Variants in PDS5A observed in about 807,000 individuals in gnomAD.
PDS5A encodes sister chromatid cohesion protein PDS5 homolog A.
Under a neutral mutation model 167.1 loss-of-function variants are expected in PDS5A, and 42 were observed. That is an observed-to-expected ratio of 0.25 (90% CI 0.20 to 0.33). The LOEUF is 0.33. PDS5A is among the 10% of genes least tolerant of loss of function. The pLI is 1.00. For synonymous variants in PDS5A, 553 were observed against 554.6 expected (o/e 1.00, Z 0.04); for missense variants, 1,033 against 1,605.9 (o/e 0.64, Z 6.10).
chr4:39,849,091 G>C, intron 27 of PDS5A, 121 bp from the exon 28 acceptor site: 1 of 719,540 alleles, frequency 1.4e-6, no homozygotes, highest in Middle Eastern at 2.7e-4. Flanking sequence ...TTTATTCCTT[G>C]AACATTCCAT....
Position 39,825,443 on chromosome 4 carries a change from G to C in PDS5A, c.*42C>G. 4 of 1,555,930 alleles carry C rather than the reference G, an allele frequency of 2.6e-6. No individual in the cohort carries two copies. In the East Asian group the frequency reaches 9.1e-5, roughly 35 times the overall value. ...CAAGTTTTTGCAGAAGCTGGAGCCT[G>C]CTTCTGTTTGGCCTTCATTTTCTCC... On this transcript the variant is annotated 3_prime_UTR_variant, in exon 33 of 33. Transcript: ENST00000303538.
At chr4:39,900,774 T>G (rs1280200730) in intron 13 of PDS5A, among the ~76,000 whole-genome samples, 2 of 152,162 alleles carry the variant, frequency 1.3e-5, no homozygotes, top group Non-Finnish European at 2.9e-5. Context: ...TACAGGTAGC[T>G]AGAAAGTTTT....
chr4:39,957,726 G>A (rs1200617833), intron 2 of PDS5A, among the ~76,000 whole-genome samples: 1 of 146,826 alleles, frequency 6.8e-6, no homozygotes, highest in Non-Finnish European at 1.5e-5. Flanking sequence ...GGCAGAGCTT[G>A]CAGTGAGCTG....
At chr4:39,958,049 C>A (rs1729128278) in intron 2 of PDS5A, among the ~76,000 whole-genome samples, 1 of 152,002 alleles carries the variant, frequency 6.6e-6, no homozygotes, top group African/African-American at 2.4e-5. Context: ...CACCACCACA[C>A]CTAGCTAATT....
chr4:39,825,684 T>C lies in PDS5A; in HGVS notation c.4011-196A>G, dbSNP rs545685407. ...GGCTCACTCAGCCCCAACTCCTGGG[T>C]TCAAGTGGTCCTCCAGGCTCAGCGT... On this transcript the variant is annotated intron_variant, in intron 32 of 32. Transcript: ENST00000303538. Among the ~76,000 whole-genome samples the C allele has an allele frequency of 8.9e-4, 135 of 151,790 alleles. 1 individual carries two copies. In the South Asian group the frequency reaches 0.027, roughly 30 times the overall value.
rs771857090 is a variant in PDS5A, at chr4:39,823,257, A to G, written c.*2228T>C. 6 of 152,318 alleles carry G rather than the reference A, an allele frequency of 3.9e-5. No individual in the cohort carries two copies. Among genetic ancestry groups the G allele is most frequent in the Non-Finnish European group, 1.5e-5 (1 of 68,018 alleles). The allele number at this position is 152,318 out of a possible 1,614,324, so 9.4% of individuals were successfully genotyped here. A position where few individuals can be genotyped will look rare whatever the true frequency, so the allele number is the denominator to read the frequency against. ...AATTCCCGTAAACAAGTCCCTCCCC[A>G]TCAGCTTGGTCTTTCCACAACCCTA... On this transcript the variant is annotated 3_prime_UTR_variant, in exon 33 of 33. Transcript: ENST00000303538.
chr4:39,959,384 C>T (rs559053708), intron 2 of PDS5A, among the ~76,000 whole-genome samples: 1 of 152,222 alleles, frequency 6.6e-6, no homozygotes, highest in East Asian at 1.9e-4. Context: ...ATAGGTATCT[C>T]ACTGTCGTCT....
chr4:39,927,879 A>C (rs758381103), intron 3 of PDS5A, 82 bp downstream of exon 3: 3 of 963,806 alleles, frequency 3.1e-6, no homozygotes, highest in African/African-American at 1.7e-5. Flanking sequence ...TATGTTCATA[A>C]AGGTAAAATA....
chr4:39,975,935 G>A (rs1731041157), intron 2 of PDS5A, among the ~76,000 whole-genome samples: 1 of 152,144 alleles, frequency 6.6e-6, no homozygotes, highest in African/African-American at 2.4e-5. Context: ...TCCTTTGAAC[G>A]TATAGACTTA....
At chr4:39,826,946 TAC>T (rs1416542134) in intron 32 of PDS5A, among the ~76,000 whole-genome samples, 2 of 152,192 alleles carry the variant, frequency 1.3e-5, no homozygotes, top group African/African-American at 4.8e-5. Context: ...TTACAATTCA[TAC>T]AGAGACTATT....
intron 11 of PDS5A, among the ~76,000 whole-genome samples, chr4:39,906,746 A>G (rs1240944131): frequency 6.6e-6 from 1 of 150,418 alleles, no homozygotes; most frequent in Non-Finnish European, 1.5e-5. Flanking sequence ...GTAACACACC[A>G]CCTCTAAAAA....
At chr4:39,886,697 G>C (rs758150479) in intron 17 of PDS5A, among the ~76,000 whole-genome samples, 1 of 150,970 alleles carries the variant, frequency 6.6e-6, no homozygotes, top group Admixed American at 6.6e-5. Flanking sequence ...TGGGCAACAA[G>C]AGTGAAACAC....
chr4:39,950,624 G>A (rs1182032997), intron 2 of PDS5A, among the ~76,000 whole-genome samples: 2 of 151,990 alleles, frequency 1.3e-5, no homozygotes, highest in African/African-American at 4.8e-5. Flanking sequence ...TTGCTCTGTC[G>A]CCCAGACTGG....
chr4:39,960,048 G>A (rs1404276158), intron 2 of PDS5A, among the ~76,000 whole-genome samples: 3 of 152,056 alleles, frequency 2.0e-5, no homozygotes, highest in East Asian at 1.9e-4. Context: ...AGCTGAGATC[G>A]CGCCACTGCA....
intron 3 of PDS5A, 91 bp downstream of exon 3, chr4:39,927,870 A>T: frequency 1.2e-6 from 1 of 860,574 alleles, no homozygotes; most frequent in South Asian, 1.7e-5. Context: ...TATGAAACCT[A>T]TGTTCATAAA....
At chr4:39,930,246 A>AAATTTTTTTTTTT in intron 2 of PDS5A, among the ~76,000 whole-genome samples, 3 of 93,090 alleles carry the variant, frequency 3.2e-5, no homozygotes, top group Admixed American at 1.1e-4. Context: ...AAAAAAAAAA[A>AAATTTTTTTTTTT]GTTTTTTTGT....
Position 39,910,286 on chromosome 4 carries a change from G to T in PDS5A, c.1045C>A (p.His349Asn). 6.3e-7 allele frequency: 1 copy of T among 1,591,924 alleles called. No individual in the cohort carries two copies. The highest frequency in any genetic ancestry group is 1.1e-5 in the South Asian group (1 of 88,380). Residue 349 changes from histidine to asparagine, a missense_variant, in exon 10 of 33, where the codon CAT becomes AAT. Transcript: ENST00000303538. Reference sequence around the variant, plus strand: ...AAATCTGGGTGATTCATTAAACAATGACTGGCAAATTTCACACTTTCTAAT... The same window carrying T: ...AAATCTGGGTGATTCATTAAACAATTACTGGCAAATTTCACACTTTCTAAT... Reference protein sequence around the residue: ...VRLESVKFASHCLMNHPDLAK... With the variant: ...VRLESVKFASNCLMNHPDLAK...
In PDS5A at chr4:39,837,915, G is replaced by A; in HGVS notation, c.3951C>T (p.Pro1317=). Residue 1317 remains proline (P), a synonymous_variant, in exon 32 of 33, where the codon CCC becomes CCT. Coordinates refer to ENST00000303538, the MANE Select transcript of PDS5A (RefSeq NM_001100399.2). The part of the protein sequence containing the change: ...GGLEAGNAKA[P]KLQDLAKKAA... ...CCTTTTTGGCTAAATCTTGCAGTTT[G>A]GGTGCTTTGGCATTACCTGCTTCCA... 6.2e-7 allele frequency: 1 copy of A among 1,613,810 alleles called. No homozygotes were observed. The highest frequency in any genetic ancestry group is 1.6e-4 in the Middle Eastern group (1 of 6,062).
In PDS5A at chr4:39,862,198, T is replaced by C. The variant is rs752594044; in HGVS notation, c.3086+21A>G. On this transcript the variant is annotated intron_variant, in intron 26 of 32. Coordinates refer to ENST00000303538, the MANE Select transcript of PDS5A (RefSeq NM_001100399.2). The stretch of plus-strand genomic sequence containing the variant: ...AAACTAAACATAATTTTTAGAGTTC[T>C]TGAAAAACAACAAGACTTACTCTTT... The C allele has an allele frequency of 2.0e-5, 20 of 1,008,874 alleles. 1 individual carries two copies. Among genetic ancestry groups the C allele is most frequent in the Non-Finnish European group, 2.7e-5 (19 of 706,552 alleles). The allele number at this position is 1,008,874 out of a possible 1,614,324, so 62.5% of individuals were successfully genotyped here.
Sources: allele counts gnomAD v4.1 joint callset (sites outside exome capture counted in the v4.1 genomes callset), GRCh38; gene constraint gnomAD v4.1.1; transcripts MANE v1.5; gene names NCBI Gene and HGNC (gene_info 2026-07-23, HGNC 2026-07-21).